PKP4: variants seen among roughly 807,000 people sequenced by gnomAD.
PKP4 encodes plakophilin-4.
PKP4 carries 90 observed loss-of-function variants against 145.1 expected under a neutral mutation model. The observed-to-expected ratio is 0.62, with a 90% CI of 0.52 to 0.74. The LOEUF is 0.74. Ranked by LOEUF, PKP4 falls within the 30% of genes least tolerant of loss-of-function variation. PKP4 has a pLI of 0.00. For synonymous variants in PKP4, 563 were observed against 577.2 expected (o/e 0.98, Z 0.35); for missense variants, 1,340 against 1,482.7 (o/e 0.90, Z 1.58).
chr2:158,562,990 G>A (rs1336717093), intron 2 of PKP4, among the ~76,000 whole-genome samples: 1 of 152,084 alleles, frequency 6.6e-6, no homozygotes, highest in Non-Finnish European at 1.5e-5. Context: ...CGTAGAGTAA[G>A]CCAAAAAGCA....
rs191038766 is a variant in PKP4, at chr2:158,509,759, C to G, written c.-5-23421C>G. On this transcript the variant is annotated intron_variant, in intron 1 of 21. Transcript: ENST00000389759. ...GGTCGGGAGTTTGAGACCAGCCTGA[C>G]CAACATGGAGAAACCCTGTCTCTAC... Among the ~76,000 whole-genome samples the G allele has an allele frequency of 1.3e-5, 2 of 152,152 alleles. 1 individual carries two copies. Among genetic ancestry groups the G allele is most frequent in the East Asian group, 3.9e-4 (2 of 5,162 alleles).
At chr2:158,631,231 C>T (rs148568512) in intron 7 of PKP4, among the ~76,000 whole-genome samples, 6 of 151,834 alleles carry the variant, frequency 4.0e-5, no homozygotes, top group Non-Finnish European at 8.8e-5. Flanking sequence ...TGAACCACCG[C>T]GCCCGGCAGA....
chr2:158,470,902 G>A (rs752158050), intron 1 of PKP4, among the ~76,000 whole-genome samples: 38 of 152,154 alleles, frequency 2.5e-4, no homozygotes, highest in African/African-American at 5.1e-4. Context: ...GCAGCAACCC[G>A]AGGATGGAAA....
intron 11 of PKP4, among the ~76,000 whole-genome samples, chr2:158,651,313 G>A (rs2055341773): frequency 1.3e-5 from 2 of 152,010 alleles, no homozygotes; most frequent in South Asian, 4.1e-4. Flanking sequence ...GCTTACCTGT[G>A]ACACCACCCT....
At chr2:158,496,703 TGA>T (rs1695761233) in intron 1 of PKP4, among the ~76,000 whole-genome samples, 1 of 152,080 alleles carries the variant, frequency 6.6e-6, no homozygotes, top group Admixed American at 6.6e-5. Context: ...CTGAGAAATT[TGA>T]GAGTCTCAGT....
chr2:158,506,408 G>GA (rs1175058187), intron 1 of PKP4, among the ~76,000 whole-genome samples: 1 of 152,220 alleles, frequency 6.6e-6, no homozygotes, highest in African/African-American at 2.4e-5. Flanking sequence ...AGCTCAGTTA[G>GA]ACGATCACCA....
chr2:158,537,650 G>A (rs58024442), intron 2 of PKP4, among the ~76,000 whole-genome samples: 22,271 of 152,140 alleles, frequency 0.15, 1,791 homozygotes, highest in Middle Eastern at 0.28. Flanking sequence ...TGTAGGAAAG[G>A]AGGAATCTCC....
At chr2:158,640,490 A>G (rs375375998) in intron 9 of PKP4, 137 bp from the exon 10 acceptor site, 1 of 783,004 alleles carries the variant, frequency 1.3e-6, no homozygotes, top group Non-Finnish European at 2.0e-6. Context: ...AAAATTATTT[A>G]GGTATGTATT....
At chr2:158,507,708 T>G (rs2041117167) in intron 1 of PKP4, among the ~76,000 whole-genome samples, 1 of 152,194 alleles carries the variant, frequency 6.6e-6, no homozygotes, top group African/African-American at 2.4e-5. Context: ...AAACTTATTT[T>G]TTTTCTCTCA....
intron 1 of PKP4, among the ~76,000 whole-genome samples, chr2:158,467,785 T>C (rs1451210883): frequency 6.6e-6 from 1 of 152,108 alleles, no homozygotes; most frequent in East Asian, 1.9e-4. Flanking sequence ...AGGTTGAGGC[T>C]ACAGTGAGTT....
intron 1 of PKP4, among the ~76,000 whole-genome samples, chr2:158,491,741 T>G (rs1694972855): frequency 1.3e-5 from 2 of 152,110 alleles, no homozygotes; most frequent in South Asian, 4.1e-4. Flanking sequence ...GAAGGTTTTG[T>G]TCAAATCCTT....
chr2:158,574,105 A>C (rs976530656), intron 2 of PKP4, among the ~76,000 whole-genome samples: 2 of 152,254 alleles, frequency 1.3e-5, no homozygotes. Context: ...CAGTATACTT[A>C]CTTGAGAGGA....
intron 4 of PKP4, among the ~76,000 whole-genome samples, chr2:158,619,921 A>T (rs1479702345): frequency 6.6e-6 from 1 of 151,922 alleles, no homozygotes; most frequent in African/African-American, 2.4e-5. Flanking sequence ...CCTAAGCTCC[A>T]TTCCCCCAGA....
At chr2:158,672,586 C>G (rs574378461) in intron 17 of PKP4, among the ~76,000 whole-genome samples, 9 of 152,200 alleles carry the variant, frequency 5.9e-5, no homozygotes, top group Non-Finnish European at 1.2e-4. Context: ...TCCCCCAAAT[C>G]TGTCTTCCAG....
In PKP4 at chr2:158,643,858, C is replaced by T. The variant is rs545154729; in HGVS notation, c.1909+1159C>T. On this transcript the variant is annotated intron_variant, in intron 11 of 21. Transcript: ENST00000389759. ...TGAGCTCACTGCAACCTCTGCCTCCCGGGTTCAAGCGATTCTCTCGCCTCA... is the reference window on the plus strand; with the variant it reads ...TGAGCTCACTGCAACCTCTGCCTCCTGGGTTCAAGCGATTCTCTCGCCTCA... Among the ~76,000 whole-genome samples the T allele has an allele frequency of 3.1e-3, 467 of 152,220 alleles. 3 individuals are homozygous for T. The highest frequency in any genetic ancestry group is 5.6e-3 in the Non-Finnish European group (383 of 68,006).
intron 1 of PKP4, among the ~76,000 whole-genome samples, chr2:158,486,117 G>A (rs1333765912): frequency 1.3e-5 from 2 of 152,044 alleles, no homozygotes; most frequent in African/African-American, 4.8e-5. Flanking sequence ...TGTAATCATA[G>A]CATTATTATT....
chr2:158,516,852 G>A (rs746731671), intron 1 of PKP4, among the ~76,000 whole-genome samples: 6 of 151,780 alleles, frequency 4.0e-5, no homozygotes, highest in Non-Finnish European at 8.8e-5. Flanking sequence ...TAATAGAGAC[G>A]GGATTTCACT....
chr2:158,577,919 TTTTA>T (rs1184084499), intron 3 of PKP4, among the ~76,000 whole-genome samples: 4 of 152,198 alleles, frequency 2.6e-5, no homozygotes, highest in South Asian at 2.1e-4. Context: ...GATTGTTATT[TTTTA>T]TTTAAGTACC....
intron 3 of PKP4, among the ~76,000 whole-genome samples, chr2:158,599,467 G>C (rs1045194323): frequency 3.8e-4 from 58 of 152,194 alleles, no homozygotes; most frequent in African/African-American, 1.3e-3. Context: ...CTGAAGGTGG[G>C]AATCACTAAA....
Sources: gnomAD v4.1 joint callset for allele counts (sites outside exome capture counted in the v4.1 genomes callset) on GRCh38, gnomAD v4.1.1 for gene constraint, MANE v1.5 for transcripts, NCBI Gene and HGNC (gene_info 2026-07-23, HGNC 2026-07-21) for gene names.